Variants in POU2F1 observed in about 807,000 individuals in gnomAD.
POU2F1 encodes POU class 2 homeobox 1.
POU2F1 carries 16 observed loss-of-function variants against 84.9 expected under a neutral mutation model. The observed-to-expected ratio is 0.19, with a 90% CI of 0.13 to 0.29. The LOEUF (loss-of-function observed/expected upper bound fraction) is 0.29. Ranked by LOEUF, POU2F1 falls within the 10% of genes least tolerant of loss-of-function variation. The probability of loss-of-function intolerance (pLI) is 1.00; values close to 1 mark genes in which losing one functional copy is unlikely to be tolerated. For synonymous variants in POU2F1, 368 were observed against 368.3 expected (o/e 1.00, Z 0.01); for missense variants, 738 against 942.6 (o/e 0.78, Z 2.84).
chr1:167,348,300 A>G lies in POU2F1; in HGVS notation c.127+15765A>G, dbSNP rs182000049. On this transcript the variant is annotated intron_variant, in intron 2 of 15. Transcript: ENST00000367866. ...AATAGGGTATTATAATCATGGTTCTATTGTTGCTGATGGAAATGTCTTTAT... is the reference window on the plus strand; with the variant it reads ...AATAGGGTATTATAATCATGGTTCTGTTGTTGCTGATGGAAATGTCTTTAT... 3.7e-4 allele frequency among the ~76,000 whole-genome samples: 56 copies of G among 152,302 alleles called. No individual in the cohort carries two copies. The South Asian group carries it at 5.8e-3, about 16-fold the overall frequency.
At position 167,243,771 on chromosome 1, in the gene POU2F1, C is replaced by T. The variant is rs571891137; in HGVS notation, c.61+22813C>T. Reference sequence around the variant, plus strand: ...GATTACAGGCTTGAGCCATCACACCCGGCCTAAACTCTTTTCTTGAATTAA... The same window carrying T: ...GATTACAGGCTTGAGCCATCACACCTGGCCTAAACTCTTTTCTTGAATTAA... On this transcript the variant is annotated intron_variant, in intron 1 of 15. Transcript: ENST00000367866. Among the ~76,000 whole-genome samples the T allele has an allele frequency of 5.9e-5, 9 of 152,332 alleles. No individual in the cohort carries two copies. The South Asian group carries it at 6.2e-4, about 11-fold the overall frequency.
At chr1:167,368,874 T>C (rs1387232506) in intron 3 of POU2F1, among the ~76,000 whole-genome samples, 1 of 152,184 alleles carries the variant, frequency 6.6e-6, no homozygotes, top group Non-Finnish European at 1.5e-5. Context: ...ATCTGGTGTA[T>C]ACAAAATGGA....
At chr1:167,370,295 A>G in intron 4 of POU2F1, 81 bp downstream of exon 4, 1 of 1,182,086 alleles carries the variant, frequency 8.5e-7, no homozygotes, top group Non-Finnish European at 1.2e-6. Flanking sequence ...ATATTTTATA[A>G]TAGGAAATGC....
At chr1:167,362,211 C>T (rs957393295) in intron 2 of POU2F1, among the ~76,000 whole-genome samples, 1 of 152,186 alleles carries the variant, frequency 6.6e-6, no homozygotes, top group Non-Finnish European at 1.5e-5. Flanking sequence ...CCAGTGGAGC[C>T]TCAGTTGCCA....
chr1:167,372,260 T>C (rs1191745807), intron 5 of POU2F1, among the ~76,000 whole-genome samples: 10 of 152,168 alleles, frequency 6.6e-5, no homozygotes, highest in African/African-American at 2.4e-4. Flanking sequence ...TTGTGGATGC[T>C]CTGGATAAAT....
intron 1 of POU2F1, among the ~76,000 whole-genome samples, chr1:167,244,005 T>C (rs1392618226): frequency 6.6e-6 from 1 of 152,132 alleles, no homozygotes; most frequent in Non-Finnish European, 1.5e-5. Context: ...CTGCCCATAC[T>C]CTGAATCATA....
chr1:167,408,428 T>C (rs551195416), intron 13 of POU2F1, among the ~76,000 whole-genome samples: 2 of 152,316 alleles, frequency 1.3e-5, no homozygotes, highest in Non-Finnish European at 2.9e-5. Context: ...AGCAGCCTTA[T>C]TTATAATATC....
intron 2 of POU2F1, among the ~76,000 whole-genome samples, chr1:167,360,119 T>G (rs538631850): frequency 6.6e-6 from 1 of 152,274 alleles, no homozygotes; most frequent in African/African-American, 2.4e-5. Flanking sequence ...TTCTGTAGGT[T>G]GTTTATTCTG....
intron 1 of POU2F1, among the ~76,000 whole-genome samples, chr1:167,283,911 T>C (rs535695147): frequency 6.6e-6 from 1 of 152,344 alleles, no homozygotes. Flanking sequence ...TTTTGTTCCT[T>C]ATCCCTACAG....
intron 1 of POU2F1, among the ~76,000 whole-genome samples, chr1:167,281,315 G>C (rs1557866021): frequency 6.6e-6 from 1 of 152,188 alleles, no homozygotes; most frequent in South Asian, 2.1e-4. Flanking sequence ...AGTGAAATGA[G>C]GGTTGCCTGA....
intron 1 of POU2F1, among the ~76,000 whole-genome samples, chr1:167,242,483 C>T (rs575101583): frequency 2.2e-4 from 34 of 152,332 alleles, no homozygotes; most frequent in African/African-American, 7.7e-4. Flanking sequence ...CTAAGACCAG[C>T]TTTCTTACCA....
At chr1:167,355,972 G>A (rs1332044372) in intron 2 of POU2F1, among the ~76,000 whole-genome samples, 1 of 151,516 alleles carries the variant, frequency 6.6e-6, no homozygotes, top group Non-Finnish European at 1.5e-5. Flanking sequence ...TTTTGAGACA[G>A]GGTCTCACTT....
At chr1:167,297,450 A>C (rs1184098629) in intron 1 of POU2F1, among the ~76,000 whole-genome samples, 1 of 152,234 alleles carries the variant, frequency 6.6e-6, no homozygotes, top group Non-Finnish European at 1.5e-5. Context: ...TGCCAGCAGC[A>C]GCCAGGGAAA....
chr1:167,357,084 C>T (rs1467336479), intron 2 of POU2F1, among the ~76,000 whole-genome samples: 1 of 152,096 alleles, frequency 6.6e-6, no homozygotes, highest in African/African-American at 2.4e-5. Context: ...TGGCCTTTCC[C>T]TGAAGCCGGC....
chr1:167,407,036 A>T (rs1009987244), intron 13 of POU2F1, among the ~76,000 whole-genome samples: 4 of 93,222 alleles, frequency 4.3e-5, no homozygotes, highest in African/African-American at 1.1e-4. Context: ...TATTTTATAT[A>T]TTTTATTATT....
chr1:167,253,984 G>GT (rs1209608192), intron 1 of POU2F1, among the ~76,000 whole-genome samples: 1 of 152,060 alleles, frequency 6.6e-6, no homozygotes, highest in African/African-American at 2.4e-5. Flanking sequence ...TTATTGGTTT[G>GT]TTTTTTGACT....
chr1:167,367,793 A>C (rs562422768), intron 3 of POU2F1, among the ~76,000 whole-genome samples: 73 of 152,032 alleles, frequency 4.8e-4, no homozygotes, highest in African/African-American at 1.7e-3. Flanking sequence ...TACACGTACA[A>C]ATTTTTTTTT....
intron 1 of POU2F1, among the ~76,000 whole-genome samples, chr1:167,299,102 A>G (rs1178330866): frequency 7.0e-6 from 1 of 143,412 alleles, no homozygotes; most frequent in South Asian, 2.3e-4. Flanking sequence ...GGCGGAGGTT[A>G]TGGTGAGCCG....
At chr1:167,296,686 A>T (rs754198860) in intron 1 of POU2F1, among the ~76,000 whole-genome samples, 1 of 152,218 alleles carries the variant, frequency 6.6e-6, no homozygotes, top group African/African-American at 2.4e-5. Flanking sequence ...AAAAAATAGA[A>T]ATGTATATGG....
Sources: allele counts gnomAD v4.1 joint callset (sites outside exome capture counted in the v4.1 genomes callset), GRCh38; gene constraint gnomAD v4.1.1; transcripts MANE v1.5; gene names NCBI Gene and HGNC (gene_info 2026-07-23, HGNC 2026-07-21).